Variants in SNX13 observed in about 807,000 individuals in gnomAD.
SNX13 encodes the protein sorting nexin-13.
In SNX13, 45 loss-of-function variants were observed where a neutral mutation model predicts 133.6. That is an observed-to-expected ratio of 0.34 (90% CI 0.27 to 0.43). The LOEUF (loss-of-function observed/expected upper bound fraction) is 0.43. SNX13 is among the 20% of genes least tolerant of loss of function. The pLI is 1.00. For synonymous variants in SNX13, 414 were observed against 373.9 expected (o/e 1.11, Z -1.24); for missense variants, 1,032 against 1,145.1 (o/e 0.90, Z 1.43).
chr7:17,882,773 C>T (rs1467720205), intron 5 of SNX13: 2 of 1,181,530 alleles, frequency 1.7e-6, no homozygotes, highest in Non-Finnish European at 1.1e-6. Flanking sequence ...AAAGGGTTCT[C>T]AAATCACTAC....
chr7:17,940,435 T>TTCGCTGGCCTCCCCTCGGCCCGG lies in SNX13; in HGVS notation c.-163_-141dup. The TTCGCTGGCCTCCCCTCGGCCCGG allele has an allele frequency of 1.1e-6, 1 of 933,120 alleles. No homozygotes were observed. Among genetic ancestry groups the TTCGCTGGCCTCCCCTCGGCCCGG allele is most frequent in the Non-Finnish European group, 1.7e-6 (1 of 592,570 alleles). 57.8% of individuals were successfully genotyped at this position (933,120 alleles called of 1,614,324 possible). On this transcript the variant is annotated 5_prime_UTR_variant, in exon 1 of 26. An upstream open reading frame in the 5' UTR gains an earlier in-frame stop. Transcript: ENST00000428135. ...CTCCCGGGCGGCGGTTTTACTCGGC[T>TTCGCTGGCCTCCCCTCGGCCCGG]TCGCTGGCCTCCCCTCGGCCCGGTC...
intron 15 of SNX13, chr7:17,832,129 CTG>C: frequency 1.0e-6 from 1 of 984,096 alleles, no homozygotes; most frequent in South Asian, 4.7e-5. Context: ...TACTCAATAA[CTG>C]ATATATAAGA....
At position 17,911,589 on chromosome 7, in the gene SNX13, G is replaced by GAT. The variant is rs537707159; in HGVS notation, c.13-14145_13-14144dup. Among the ~76,000 whole-genome samples, 108 of 147,090 alleles carry GAT rather than the reference G, an allele frequency of 7.3e-4. 2 individuals carry two copies. In the South Asian group the frequency reaches 0.021, roughly 29 times the overall value. On this transcript the variant is annotated intron_variant, in intron 1 of 25. Transcript: ENST00000428135. Reference sequence around the variant, plus strand: ...GGAAGCAGAGATTGCAGTGAGCCAAGATCGCGCCACTGCACTCCAGCCACG... The same window carrying GAT: ...GGAAGCAGAGATTGCAGTGAGCCAAGATATCGCGCCACTGCACTCCAGCCACG...
In SNX13 at chr7:17,803,776, T is replaced by C. The variant is rs995096907; in HGVS notation, c.2065-196A>G. On this transcript the variant is annotated intron_variant, in intron 20 of 25. Coordinates refer to ENST00000428135, the MANE Select transcript of SNX13 (RefSeq NM_015132.5). The stretch of plus-strand genomic sequence containing the variant: ...AAAACGTATTTTCAGCTGGGCACAG[T>C]AGCTCATGCCTATAATTGCAGCACT... 5.0e-4 allele frequency among the ~76,000 whole-genome samples: 76 copies of C among 151,092 alleles called. 1 individual carries two copies. The highest frequency in any genetic ancestry group is 4.9e-3 in the Admixed American group (74 of 15,054).
At chr7:17,804,461 T>G (rs770672063) in intron 20 of SNX13, among the ~76,000 whole-genome samples, 2 of 151,968 alleles carry the variant, frequency 1.3e-5, no homozygotes, top group African/African-American at 4.8e-5. Flanking sequence ...AAAAGAGACG[T>G]TGCAAATCAG....
rs756721625 is a variant in SNX13 at position 17,794,144 on chromosome 7, G to C, written c.2775C>G (p.Phe925Leu). The C allele has an allele frequency of 6.2e-7, 1 of 1,611,528 alleles. No homozygotes were observed. Among genetic ancestry groups the C allele is most frequent in the Non-Finnish European group, 8.5e-7 (1 of 1,178,462 alleles). ...AATGCAGTTTGTTGAAAAGTTCACG[G>C]AATTTATACTGTGGAAATAAGGTTT... The part of the protein sequence containing the change: ...FLETLFPQYK[F>L]RELFNKLHSR... Residue 925 changes from phenylalanine to leucine, a missense_variant, in exon 26 of 26, where the codon TTC becomes TTG. Transcript: ENST00000428135.
intron 12 of SNX13, among the ~76,000 whole-genome samples, chr7:17,843,849 C>G (rs1176711117): frequency 6.6e-6 from 1 of 151,934 alleles, no homozygotes; most frequent in East Asian, 1.9e-4. Context: ...TGAAAACACA[C>G]TCACACAACC....
chr7:17,826,764 C>T (rs1404414), intron 16 of SNX13, among the ~76,000 whole-genome samples: 84,743 of 151,846 alleles, frequency 0.56, 24,135 homozygotes, highest in East Asian at 0.72. Context: ...TTTATAACTA[C>T]GGCCTTTGGG....
At chr7:17,888,128 G>A (rs895126304) in intron 5 of SNX13, 2 of 152,152 alleles carry the variant, frequency 1.3e-5, no homozygotes, top group Non-Finnish European at 2.9e-5. Context: ...GTCATTAACA[G>A]AGAAGGAACA....
chr7:17,930,404 T>C (rs1801266887), intron 1 of SNX13, among the ~76,000 whole-genome samples: 2 of 152,286 alleles, frequency 1.3e-5, no homozygotes, highest in African/African-American at 4.8e-5. Flanking sequence ...ATATTTGGTT[T>C]GGGACTAGAG....
intron 17 of SNX13, 92 bp from the exon 18 acceptor site, chr7:17,821,740 GAAAAC>G: frequency 1.4e-6 from 2 of 1,384,468 alleles, no homozygotes; most frequent in Non-Finnish European, 2.0e-6. Context: ...GGAAGATGAA[GAAAAC>G]AAAAAAGATA....
chr7:17,796,552 C>A, intron 25 of SNX13: 1 of 299,528 alleles, frequency 3.3e-6, no homozygotes, highest in East Asian at 5.4e-5. Flanking sequence ...CCAACTGTTG[C>A]TTAGTAGCTA....
intron 5 of SNX13, among the ~76,000 whole-genome samples, chr7:17,885,128 G>A (rs1795834135): frequency 1.3e-5 from 2 of 152,052 alleles, no homozygotes; most frequent in African/African-American, 4.8e-5. Flanking sequence ...AACAAATGTG[G>A]TATGTGTTCA....
chr7:17,887,905 G>C (rs1796191164), intron 5 of SNX13, among the ~76,000 whole-genome samples: 1 of 151,064 alleles, frequency 6.6e-6, no homozygotes, highest in Admixed American at 6.6e-5. Flanking sequence ...CCTGTTAAGA[G>C]CCCTATAAAG....
intron 18 of SNX13, among the ~76,000 whole-genome samples, chr7:17,817,502 A>C (rs1028388015): frequency 6.6e-6 from 1 of 152,222 alleles, no homozygotes; most frequent in Non-Finnish European, 1.5e-5. Flanking sequence ...TCCATCCCCA[A>C]ACTGGAAGAT....
intron 20 of SNX13, among the ~76,000 whole-genome samples, chr7:17,809,446 A>T (rs962233554): frequency 2.0e-5 from 3 of 152,148 alleles, no homozygotes; most frequent in African/African-American, 7.2e-5. Flanking sequence ...AAATATATGC[A>T]CCCAATACAG....
intron 5 of SNX13, among the ~76,000 whole-genome samples, chr7:17,886,161 C>T (rs1431677439): frequency 1.3e-5 from 2 of 152,086 alleles, no homozygotes; most frequent in African/African-American, 2.4e-5. Flanking sequence ...CCCTATCATT[C>T]CCTGTGATAC....
intron 15 of SNX13, chr7:17,831,801 G>C: frequency 1.0e-6 from 1 of 982,672 alleles, no homozygotes; most frequent in South Asian, 4.7e-5. Flanking sequence ...AAGTGGAAAG[G>C]CCTATTTTTG....
chr7:17,832,604 T>C (rs931553602), intron 15 of SNX13: 1 of 431,038 alleles, frequency 2.3e-6, no homozygotes, highest in African/African-American at 2.2e-5. Context: ...ATAGCATCTC[T>C]ATAAAAGAAC....
Sources: gnomAD v4.1 joint callset for allele counts (sites outside exome capture counted in the v4.1 genomes callset) on GRCh38, gnomAD v4.1.1 for gene constraint, MANE v1.5 for transcripts, NCBI Gene and HGNC (gene_info 2026-07-23, HGNC 2026-07-21) for gene names.